PKP2: variants seen among roughly 807,000 people sequenced by gnomAD.
PKP2 encodes the protein plakophilin-2.
In PKP2, 73 loss-of-function variants were observed where a neutral mutation model predicts 83.4. The observed-to-expected ratio is 0.88, with a 90% CI of 0.72 to 1.06. The LOEUF (loss-of-function observed/expected upper bound fraction) is 1.06, where lower values mean the gene tolerates loss of function less well. Ranked by LOEUF, PKP2 falls within the 50% of genes least tolerant of loss-of-function variation. PKP2 has a pLI of 0.00. For synonymous variants in PKP2, 409 were observed against 430.4 expected (o/e 0.95, Z 0.62); for missense variants, 966 against 1,065.4 (o/e 0.91, Z 1.30).
intron 3 of PKP2, 30 bp downstream of exon 3, chr12:32,877,816 A>G: frequency 1.3e-6 from 2 of 1,491,670 alleles, no homozygotes; most frequent in South Asian, 2.3e-5. Context: ...GCTGGCAATG[A>G]CTGAACTGCA....
intron 1 of PKP2, among the ~76,000 whole-genome samples, chr12:32,882,316 A>G (rs1248918155): frequency 6.6e-6 from 1 of 152,140 alleles, no homozygotes; most frequent in African/African-American, 2.4e-5. Context: ...TTACTCTATA[A>G]TAAAACGGCA....
At chr12:32,866,876 C>T (rs1484671196) in intron 4 of PKP2, among the ~76,000 whole-genome samples, 7 of 152,256 alleles carry the variant, frequency 4.6e-5, no homozygotes, top group Admixed American at 2.6e-4. Flanking sequence ...CAAATGTTCA[C>T]GGTAGCTTTA....
chr12:32,887,499 G>A (rs1957039951), intron 1 of PKP2, among the ~76,000 whole-genome samples: 1 of 152,160 alleles, frequency 6.6e-6, no homozygotes, highest in Admixed American at 6.5e-5. Flanking sequence ...TGTCGCCCAG[G>A]CTGAAGTGCA....
intron 1 of PKP2, chr12:32,894,699 A>G (rs1957106149): frequency 6.6e-6 from 1 of 152,166 alleles, no homozygotes; most frequent in Non-Finnish European, 1.5e-5. Context: ...CCATTCTCAG[A>G]GGATAAGAAA....
intron 1 of PKP2, among the ~76,000 whole-genome samples, chr12:32,896,084 A>G (rs1957120708): frequency 1.3e-5 from 2 of 152,136 alleles, no homozygotes; most frequent in African/African-American, 2.4e-5. Flanking sequence ...GTCATTAATT[A>G]TTTAACAAAT....
intron 11 of PKP2, among the ~76,000 whole-genome samples, 174 bp downstream of exon 11, chr12:32,795,935 T>C (rs1956116314): frequency 6.6e-6 from 1 of 152,198 alleles, no homozygotes. Flanking sequence ...GTGGATTCAG[T>C]TCTTTCCTTG....
chr12:32,818,951 G>A (rs561997695), intron 9 of PKP2, among the ~76,000 whole-genome samples: 2 of 152,066 alleles, frequency 1.3e-5, no homozygotes, highest in African/African-American at 2.4e-5. Context: ...AAACACATAT[G>A]TCAAAATTTT....
At chr12:32,799,053 C>CA (rs1487309355) in intron 10 of PKP2, among the ~76,000 whole-genome samples, 2 of 151,922 alleles carry the variant, frequency 1.3e-5, no homozygotes, top group African/African-American at 4.8e-5. Flanking sequence ...ACAAGGATCT[C>CA]AAAAAAGCAA....
chr12:32,793,675 A>G (rs1234656843), intron 11 of PKP2, among the ~76,000 whole-genome samples: 1 of 128,768 alleles, frequency 7.8e-6, no homozygotes, highest in Non-Finnish European at 1.5e-5. Context: ...GGCTCACTGC[A>G]ACCTCCGTCT....
intron 4 of PKP2, among the ~76,000 whole-genome samples, chr12:32,864,303 T>TAC (rs1188406199): frequency 1.5e-5 from 1 of 64,870 alleles, no homozygotes; most frequent in Non-Finnish European, 3.2e-5. Flanking sequence ...GCAAGTACTA[T>TAC]ACACATACAC....
At chr12:32,859,361 T>C (rs1015724565) in intron 4 of PKP2, among the ~76,000 whole-genome samples, 1 of 152,196 alleles carries the variant, frequency 6.6e-6, no homozygotes, top group African/African-American at 2.4e-5. Context: ...TGGCAGATGA[T>C]TTATAATGGG....
At chr12:32,866,845 G>T (rs1956853726) in intron 4 of PKP2, among the ~76,000 whole-genome samples, 1 of 152,120 alleles carries the variant, frequency 6.6e-6, no homozygotes, top group South Asian at 2.1e-4. Context: ...AAAAGCACAT[G>T]TCTACATGAA....
chr12:32,878,126 T>C lies in PKP2; in HGVS notation c.754A>G (p.Met252Val), dbSNP rs1956951277. ...TTCTCCTTCTCCAAGAGGTTGCCCA[T>C]GCTGCGGCTGGTCCCTGGCCTGGGG... ...TYPRPGTSRS[M>V]GNLLEKENYL... Residue 252 changes from methionine to valine, a missense_variant, in exon 3 of 13, where the codon ATG becomes GTG. Physicochemically the swap from Met to Val is conservative, Grantham distance 21. Transcript: ENST00000340811. 1.2e-6 allele frequency: 2 copies of C among 1,614,258 alleles called. No individual in the cohort carries two copies. Among genetic ancestry groups the C allele is most frequent in the Non-Finnish European group, 8.5e-7 (1 of 1,180,048 alleles).
intron 6 of PKP2, among the ~76,000 whole-genome samples, chr12:32,826,726 C>T (rs1565582521): frequency 6.6e-6 from 1 of 152,188 alleles, no homozygotes; most frequent in African/African-American, 2.4e-5. Flanking sequence ...CCAAGATCCT[C>T]TATCTACTTT....
intron 1 of PKP2, among the ~76,000 whole-genome samples, chr12:32,885,473 G>T (rs1425674011): frequency 6.6e-6 from 1 of 152,116 alleles, no homozygotes; most frequent in Non-Finnish European, 1.5e-5. Flanking sequence ...GGCCAACACG[G>T]GGAAAGCCTG....
intron 4 of PKP2, among the ~76,000 whole-genome samples, chr12:32,864,337 C>T (rs936962764): frequency 5.3e-5 from 7 of 131,612 alleles, no homozygotes; most frequent in Non-Finnish European, 1.2e-4. Flanking sequence ...CACACACACA[C>T]ATACACACGT....
intron 4 of PKP2, among the ~76,000 whole-genome samples, chr12:32,867,587 A>G (rs1956860660): frequency 6.6e-6 from 1 of 152,252 alleles, no homozygotes; most frequent in Admixed American, 6.5e-5. Flanking sequence ...ATCTTAAAAG[A>G]ATGAGTAAGA....
chr12:32,799,722 G>C (rs1446362417), intron 10 of PKP2, among the ~76,000 whole-genome samples: 1 of 152,194 alleles, frequency 6.6e-6, no homozygotes, highest in Non-Finnish European at 1.5e-5. Flanking sequence ...TTATAAGTGA[G>C]AGCTAAGCTA....
In PKP2 at chr12:32,844,299, C is replaced by A. The variant is rs144586201; in HGVS notation, c.1379-3094G>T. Among the ~76,000 whole-genome samples the A allele has an allele frequency of 5.4e-3, 815 of 152,170 alleles. 7 individuals carry two copies. Among genetic ancestry groups the A allele is most frequent in the African/African-American group, 0.019 (797 of 41,500 alleles). On this transcript the variant is annotated intron_variant, in intron 5 of 12. Transcript: ENST00000340811. ...ATGCTCATACACACATACCCTCACA[C>A]AAAATCAGTGAGTAACCAACTACAA...
Sources: allele counts gnomAD v4.1 joint callset (sites outside exome capture counted in the v4.1 genomes callset), GRCh38; gene constraint gnomAD v4.1.1; transcripts MANE v1.5; gene names NCBI Gene and HGNC (gene_info 2026-07-23, HGNC 2026-07-21).